The following EPHA10 variants were observed in gnomAD, a reference collection of about 807,000 sequenced individuals.
The protein encoded by EPHA10 is EPH receptor A10.
EPHA10 carries 120 observed loss-of-function variants against 109.7 expected under a neutral mutation model. The ratio of observed to expected loss-of-function variants is 1.09; its 90% CI spans 0.94 to 1.27. The LOEUF is 1.27. Among genes scored for constraint, EPHA10 ranks in the 50% most tolerant of loss-of-function variants. The pLI is 0.00. For synonymous variants in EPHA10, 640 were observed against 618.9 expected (o/e 1.03, Z -0.51); for missense variants, 1,396 against 1,411.1 (o/e 0.99, Z 0.17).
intron 5 of EPHA10, 97 bp from the exon 6 acceptor site, chr1:37,735,487 G>A: frequency 7.1e-7 from 1 of 1,413,080 alleles, no homozygotes; most frequent in South Asian, 1.4e-5. Flanking sequence ...CTGTGGGACC[G>A]GACTAGAGAG....
intron 7 of EPHA10, among the ~76,000 whole-genome samples, 179 bp from the exon 8 acceptor site, chr1:37,727,389 C>A (rs1395224002): frequency 6.6e-6 from 1 of 152,206 alleles, no homozygotes; most frequent in Non-Finnish European, 1.5e-5. Flanking sequence ...CCTGGAGTCC[C>A]AAGAGCTTCC....
Position 37,719,488 on chromosome 1 carries a change from G to A in EPHA10, c.2682C>T (p.Ser894=), listed in dbSNP as rs1645749733. The A allele has an allele frequency of 6.2e-7, 1 of 1,614,006 alleles. No individual in the cohort carries two copies. The highest frequency in any genetic ancestry group is 8.5e-7 in the Non-Finnish European group (1 of 1,180,002). Reference sequence around the variant, plus strand: ...TCTTGCTCAGGATGCTGTGGATCTGGGAGAACCTGGGCCGCTCACCTGGGT... The same window carrying A: ...TCTTGCTCAGGATGCTGTGGATCTGAGAGAACCTGGGCCGCTCACCTGGGT... ...QKDPGERPRF[S]QIHSILSKMV... is the part of the protein sequence containing the mutation. The change falls in exon 15 of 17, where the codon TCC becomes TCT. Residue 894 remains serine, a synonymous_variant. Coordinates refer to ENST00000373048, the MANE Select transcript of EPHA10 (RefSeq NM_001099439.2).
rs777730326 is a variant in EPHA10, at chr1:37,735,277, C to G, written c.1471G>C (p.Glu491Gln). The G allele has an allele frequency of 1.1e-5, 17 of 1,565,064 alleles. No individual in the cohort carries two copies. The Admixed American group carries it at 1.1e-4, about 11-fold the overall frequency. The stretch of plus-strand genomic sequence containing the variant: ...CTCACCTTCTCGTAGTATCGGATCT[C>G]GTACTCCGTGTCATTGGCCCCAGGG... ...GAPGANDTEYEIRYYEKGQSE... is the reference protein window; with the variant it reads ...GAPGANDTEYQIRYYEKGQSE... Residue 491 changes from glutamate to glutamine, a missense_variant, in exon 6 of 17, where the codon GAG (glutamate) becomes CAG (glutamine). Glu to Gln is a conservative substitution (Grantham distance 29). Transcript: ENST00000373048.
intron 5 of EPHA10, among the ~76,000 whole-genome samples, chr1:37,744,369 A>T (rs1646199483): frequency 1.3e-5 from 2 of 151,756 alleles, no homozygotes; most frequent in Admixed American, 1.3e-4. Flanking sequence ...AAAAAAAAAA[A>T]ATTAGCTGGG....
intron 7 of EPHA10, among the ~76,000 whole-genome samples, chr1:37,729,409 C>T (rs976140007): frequency 4.6e-5 from 7 of 152,192 alleles, no homozygotes; most frequent in African/African-American, 9.7e-5. Flanking sequence ...ACAGTGGTGA[C>T]GCATAAGCGT....
chr1:37,727,164 T>A lies in EPHA10; in HGVS notation c.1710A>T (p.Val570=), dbSNP rs1270944802. ...GGACGAGGAGGGCCGAGATGGTCAC[T>A]ACGGTGACGACAATGGCGGGGCTCT... ...RDQSPAIVVT[V]VTISALLVLG... is the part of the protein sequence containing the mutation. Residue 570 remains valine, a synonymous_variant, in exon 8 of 17, where the codon GTA becomes GTT. Coordinates refer to ENST00000373048, the MANE Select transcript of EPHA10 (RefSeq NM_001099439.2). 1 of 1,612,738 alleles carries A rather than the reference T, an allele frequency of 6.2e-7. No individual in the cohort carries two copies.
intron 15 of EPHA10, chr1:37,719,073 G>T (rs894223560): frequency 4.7e-5 from 28 of 600,674 alleles, no homozygotes; most frequent in Middle Eastern, 4.4e-4. Flanking sequence ...GACACGCCTA[G>T]GACTGGTTGG....
intron 9 of EPHA10, 46 bp from the exon 10 acceptor site, chr1:37,723,212 G>A (rs751501118): frequency 1.9e-6 from 3 of 1,605,684 alleles, no homozygotes; most frequent in Admixed American, 1.7e-5. Flanking sequence ...CTCCACCACT[G>A]GGGCTGACAA....
chr1:37,734,842 C>T (rs1185575633), intron 6 of EPHA10, among the ~76,000 whole-genome samples: 1 of 152,134 alleles, frequency 6.6e-6, no homozygotes, highest in Non-Finnish European at 1.5e-5. Flanking sequence ...AAATATCTAC[C>T]AGCACACCAC....
Position 37,721,654 on chromosome 1 carries a change from C to G in EPHA10, c.2146+6G>C. The G allele has an allele frequency of 1.9e-6, 3 of 1,599,036 alleles. No homozygotes were observed. The highest frequency in any genetic ancestry group is 2.2e-5 in the East Asian group (1 of 44,550). On this transcript the variant is annotated splice_donor_region_variant and intron_variant, in intron 11 of 16. Transcript: ENST00000373048. ...TGGGCAGCAGGAAGGGAGCACCGGG[C>G]CCTACCTCGGGTAACAACGCCCTCC...
chr1:37,730,885 T>A (rs1645971257), intron 7 of EPHA10, among the ~76,000 whole-genome samples: 3 of 151,536 alleles, frequency 2.0e-5, no homozygotes, highest in Non-Finnish European at 4.4e-5. Flanking sequence ...AGAGAAGGAG[T>A]TTCACCATGT....
In EPHA10 at chr1:37,761,408, C is replaced by T. The variant is rs768526069; in HGVS notation, c.847G>A (p.Glu283Lys). Residue 283 changes from glutamate to lysine, a missense_variant, in exon 3 of 17, where the codon GAA becomes AAA. Transcript: ENST00000373048. ...CGGCCCCCAGCCAACTGGATACCTT[C>T]GCAGAAGTCACCACGCTCCTGGAAT... ...AGFQERGDFC[E>K]ACPPGFYKVS... is the part of the protein sequence containing the mutation. The T allele has an allele frequency of 2.5e-6, 4 of 1,599,220 alleles. No homozygotes were observed. Among genetic ancestry groups the T allele is most frequent in the East Asian group, 2.2e-5 (1 of 44,784 alleles).
chr1:37,718,832 G>A lies in EPHA10; in HGVS notation c.2757-16C>T. On this transcript the variant is annotated splice_polypyrimidine_tract_variant and intron_variant, in intron 15 of 16. Coordinates refer to ENST00000373048, the MANE Select transcript of EPHA10 (RefSeq NM_001099439.2). ...GGTGGGAGGCCTGCGGGTCAGAGGA[G>A]CTGTGCTCAACCGACAGCTGGGATC... The A allele has an allele frequency of 6.3e-7, 1 of 1,599,774 alleles. No homozygotes were observed. Among genetic ancestry groups the A allele is most frequent in the South Asian group, 1.1e-5 (1 of 89,110 alleles).
chr1:37,718,072 C>A lies in EPHA10; in HGVS notation c.*300G>T, dbSNP rs1645719750. On this transcript the variant is annotated 3_prime_UTR_variant, in exon 17 of 17. Transcript: ENST00000373048. ...AATCTCAACCCACTGTCTTCCCTCCCATCCCTGCCCCAGCTTTTCTCTGAG... is the reference window on the plus strand; with the variant it reads ...AATCTCAACCCACTGTCTTCCCTCCAATCCCTGCCCCAGCTTTTCTCTGAG... The A allele has an allele frequency of 2.3e-6, 1 of 434,326 alleles. No individual in the cohort carries two copies. 26.9% of individuals were successfully genotyped at this position (434,326 alleles called of 1,614,324 possible).
At chr1:37,722,208 G>A (rs993950361) in intron 10 of EPHA10, 21 of 229,646 alleles carry the variant, frequency 9.1e-5, no homozygotes, top group Middle Eastern at 4.6e-4. Context: ...GTGTGACCTC[G>A]AATTCCATCT....
Position 37,761,628 on chromosome 1 carries a change from C to T in EPHA10, c.627G>A (p.Lys209=), listed in dbSNP as rs763395416. The T allele has an allele frequency of 1.2e-6, 2 of 1,604,898 alleles. No individual in the cohort carries two copies. The highest frequency in any genetic ancestry group is 1.7e-6 in the Non-Finnish European group (2 of 1,179,662). The change falls in exon 3 of 17, where the codon AAG becomes AAA. Residue 209 remains lysine (K), a synonymous_variant. Transcript: ENST00000373048. ...VALVSVRVYY[K]QCRATVRGLA... Reference sequence around the variant, plus strand: ...GGCCCCGCACGGTGGCGCGGCACTGCTTGTAGTAGACGCGCACCGAGACAA... The same window carrying T: ...GGCCCCGCACGGTGGCGCGGCACTGTTTGTAGTAGACGCGCACCGAGACAA...
At chr1:37,759,060 T>C (rs1646411936) in intron 3 of EPHA10, among the ~76,000 whole-genome samples, 1 of 152,236 alleles carries the variant, frequency 6.6e-6, no homozygotes, top group Admixed American at 6.5e-5. Context: ...CTCTTTCTCC[T>C]GCACTATTGC....
Position 37,718,816 on chromosome 1 carries a change from C to T in EPHA10, c.2757G>A (p.Arg919=), listed in dbSNP as rs757750429. 7 of 1,608,638 alleles carry T rather than the reference C, an allele frequency of 4.4e-6. No homozygotes were observed. Among genetic ancestry groups the T allele is most frequent in the Non-Finnish European group, 5.9e-6 (7 of 1,177,914 alleles). ...PPKCALTTCP[R]PPTPLADRAF... ...CACGGTCCGCTAGTGGGGTGGGAGGCCTGCGGGTCAGAGGAGCTGTGCTCA... is the reference window on the plus strand; with the variant it reads ...CACGGTCCGCTAGTGGGGTGGGAGGTCTGCGGGTCAGAGGAGCTGTGCTCA... The change falls in exon 16 of 17, where the codon AGG becomes AGA. Residue 919 remains arginine, a splice_region_variant and synonymous_variant. Coordinates refer to ENST00000373048, the MANE Select transcript of EPHA10 (RefSeq NM_001099439.2).
At chr1:37,749,402 G>C (rs1569742056) in intron 5 of EPHA10, among the ~76,000 whole-genome samples, 1 of 151,970 alleles carries the variant, frequency 6.6e-6, no homozygotes, top group South Asian at 2.1e-4. Flanking sequence ...GCCGTGCACG[G>C]TGGCTCACGC....
Sources: gnomAD v4.1 joint callset for allele counts (sites outside exome capture counted in the v4.1 genomes callset) on GRCh38, gnomAD v4.1.1 for gene constraint, MANE v1.5 for transcripts, NCBI Gene and HGNC (gene_info 2026-07-23, HGNC 2026-07-21) for gene names.